The following PALS2 variants were observed in gnomAD, a reference collection of about 807,000 sequenced individuals.
The protein encoded by PALS2 is protein associated with LIN7 2, MAGUK p55 family member.
A neutral mutation model predicts 61.6 loss-of-function variants in PALS2; 27 were observed. The ratio of observed to expected loss-of-function variants is 0.44; its 90% CI spans 0.32 to 0.60. PALS2 has a LOEUF of 0.60. Among genes scored for constraint, PALS2 ranks in the 20% least tolerant of loss-of-function variants. The pLI, the probability that PALS2 is intolerant of heterozygous loss-of-function variation, is 0.05. For missense variants in PALS2, 554 were observed against 639.4 expected, an observed-to-expected ratio of 0.87 and a Z score of 1.44; for synonymous variants, 236 against 218.6, an observed-to-expected ratio of 1.08 and a Z score of -0.70.
chr7:24,578,019 C>G (rs532272168), intron 1 of PALS2, among the ~76,000 whole-genome samples: 1 of 152,194 alleles, frequency 6.6e-6, no homozygotes, highest in East Asian at 1.9e-4. Flanking sequence ...TCACGGCTCA[C>G]TGCAGCCTGG....
intron 5 of PALS2, among the ~76,000 whole-genome samples, chr7:24,658,749 G>A (rs1031774357): frequency 6.6e-6 from 1 of 151,670 alleles, no homozygotes; most frequent in African/African-American, 2.4e-5. Context: ...TAGAGACAGG[G>A]TTTCATCACG....
intron 11 of PALS2, among the ~76,000 whole-genome samples, chr7:24,681,271 GAATA>G (rs1398899996): frequency 6.6e-6 from 1 of 152,026 alleles, no homozygotes; most frequent in Non-Finnish European, 1.5e-5. Context: ...ACAAAAGAGG[GAATA>G]AATGAGTCCC....
chr7:24,594,189 A>G (rs1783413452), intron 1 of PALS2, among the ~76,000 whole-genome samples: 1 of 152,076 alleles, frequency 6.6e-6, no homozygotes, highest in African/African-American at 2.4e-5. Context: ...TTTTTCCAGT[A>G]GCTCTTCACC....
intron 2 of PALS2, among the ~76,000 whole-genome samples, chr7:24,632,663 A>C (rs1454174016): frequency 1.3e-5 from 2 of 152,196 alleles, no homozygotes; most frequent in African/African-American, 2.4e-5. Flanking sequence ...CTAGGATTAC[A>C]GGTGTGAGCC....
intron 2 of PALS2, among the ~76,000 whole-genome samples, chr7:24,629,652 C>A (rs1378309047): frequency 6.6e-6 from 1 of 152,050 alleles, no homozygotes; most frequent in East Asian, 1.9e-4. Flanking sequence ...ACAACCCCAT[C>A]AAAAAGTGGG....
At chr7:24,669,462 C>T (rs1255709605) in intron 9 of PALS2, among the ~76,000 whole-genome samples, 1 of 152,146 alleles carries the variant, frequency 6.6e-6, no homozygotes, top group East Asian at 1.9e-4. Context: ...TACTTGTGAA[C>T]TTAGATGTTC....
chr7:24,623,814 A>G, intron 2 of PALS2, 30 bp downstream of exon 2: 1 of 1,425,426 alleles, frequency 7.0e-7, no homozygotes, highest in East Asian at 2.3e-5. Context: ...AGATTACTGA[A>G]TTATTTTGGA....
At chr7:24,675,988 A>G (rs1452728017) in intron 9 of PALS2, among the ~76,000 whole-genome samples, 22 of 150,168 alleles carry the variant, frequency 1.5e-4, no homozygotes, top group Non-Finnish European at 3.1e-4. Context: ...GAATGGTTGA[A>G]CTAGTTTACA....
chr7:24,635,883 TACAC>T (rs1286395800), intron 2 of PALS2, among the ~76,000 whole-genome samples: 2 of 152,098 alleles, frequency 1.3e-5, no homozygotes, highest in Admixed American at 1.3e-4. Context: ...ATTTTGTACA[TACAC>T]ACACACACCT....
In PALS2 at chr7:24,680,402, T is replaced by TG; in HGVS notation, c.1328_1329insG (p.Leu444IlefsTer42). On this transcript the variant is annotated frameshift_variant, in exon 11 of 12. Coordinates refer to ENST00000222644, the MANE Select transcript of PALS2 (RefSeq NM_001303037.2). LOFTEE classifies it high-confidence loss of function. ...TATTCTTTTACACAGGCACTGAAAG[T>TG]ATTGAGGACATCAGAGTTTATGCCC... 6.2e-7 allele frequency: 1 copy of TG among 1,612,382 alleles called. No individual in the cohort carries two copies. The highest frequency in any genetic ancestry group is 8.5e-7 in the Non-Finnish European group (1 of 1,178,538).
chr7:24,611,748 G>C (rs1433648427), intron 1 of PALS2, among the ~76,000 whole-genome samples: 1 of 152,004 alleles, frequency 6.6e-6, no homozygotes, highest in Non-Finnish European at 1.5e-5. Context: ...GGTATGCAAA[G>C]ATGGTTGTGT....
chr7:24,659,968 G>C (rs1423341181), intron 5 of PALS2, among the ~76,000 whole-genome samples: 1 of 152,118 alleles, frequency 6.6e-6, no homozygotes, highest in Admixed American at 6.5e-5. Flanking sequence ...AGACCATCAG[G>C]CTTCACCTTT....
At chr7:24,668,753 T>A in intron 9 of PALS2, 93 bp downstream of exon 9, 1 of 1,448,598 alleles carries the variant, frequency 6.9e-7, no homozygotes, top group Non-Finnish European at 9.4e-7. Context: ...GTTATTGTTA[T>A]TCCCAAATAA....
In PALS2 at chr7:24,656,309, A is replaced by G. The variant is rs191095454; in HGVS notation, c.651+5597A>G. 1.4e-3 allele frequency among the ~76,000 whole-genome samples: 218 copies of G among 152,242 alleles called. 2 individuals are homozygous for G. The highest frequency in any genetic ancestry group is 5.4e-4 in the Non-Finnish European group (37 of 68,014). Reference sequence around the variant, plus strand: ...CATCCATTTAATTTTTCTCCCACTAATTATTGTCATTTGCATAAGCATAGT... The same window carrying G: ...CATCCATTTAATTTTTCTCCCACTAGTTATTGTCATTTGCATAAGCATAGT... On this transcript the variant is annotated intron_variant, in intron 5 of 11. Transcript: ENST00000222644.
chr7:24,665,896 C>T (rs1240284635), intron 7 of PALS2, 125 bp from the exon 8 acceptor site: 3 of 1,030,446 alleles, frequency 2.9e-6, no homozygotes, highest in Non-Finnish European at 4.3e-6. Flanking sequence ...CTCACCTCCA[C>T]CCTCTTTTGC....
Position 24,679,306 on chromosome 7 carries a change from G to T in PALS2, c.1290G>T (p.Arg430=). ...DSILEVVQTG[R]TCILDVNPQA... is the part of the protein sequence containing the mutation. Reference sequence around the variant, plus strand: ...TTCTTGAGGTTGTCCAAACTGGACGGACTTGCATTCTGGATGTCAACCCAC... The same window carrying T: ...TTCTTGAGGTTGTCCAAACTGGACGTACTTGCATTCTGGATGTCAACCCAC... Residue 430 remains arginine (R), a synonymous_variant, in exon 10 of 12, where the codon CGG becomes CGT. Transcript: ENST00000222644. 1 of 1,614,016 alleles carries T rather than the reference G, an allele frequency of 6.2e-7. No individual in the cohort carries two copies. The highest frequency in any genetic ancestry group is 8.5e-7 in the Non-Finnish European group (1 of 1,179,934).
intron 1 of PALS2, among the ~76,000 whole-genome samples, chr7:24,621,619 T>C (rs1784523924): frequency 6.6e-6 from 1 of 152,030 alleles, no homozygotes; most frequent in Non-Finnish European, 1.5e-5. Context: ...CAGATCTGAT[T>C]AGAAGAAACA....
chr7:24,639,134 A>G (rs535426738), intron 2 of PALS2, among the ~76,000 whole-genome samples: 1 of 152,250 alleles, frequency 6.6e-6, no homozygotes, highest in Non-Finnish European at 1.5e-5. Flanking sequence ...CAACTAAATT[A>G]GACTGACTGA....
chr7:24,681,647 A>T (rs559997682), intron 11 of PALS2, among the ~76,000 whole-genome samples: 2 of 151,990 alleles, frequency 1.3e-5, no homozygotes, highest in African/African-American at 4.8e-5. Flanking sequence ...TAATTGACAC[A>T]TAATAAGCTG....
Sources: allele counts gnomAD v4.1 joint callset (sites outside exome capture counted in the v4.1 genomes callset), GRCh38; gene constraint gnomAD v4.1.1; transcripts MANE v1.5; gene names NCBI Gene and HGNC (gene_info 2026-07-23, HGNC 2026-07-21).